SEM1: variants seen among roughly 807,000 people sequenced by gnomAD.
SEM1 encodes 26S proteasome complex subunit SEM1.
Under a neutral mutation model 12.7 loss-of-function variants are expected in SEM1, and 3 were observed. The observed-to-expected ratio is 0.24, with a 90% CI of 0.11 to 0.61. The LOEUF (loss-of-function observed/expected upper bound fraction) is 0.61. SEM1 is among the 20% of genes least tolerant of loss of function. The pLI, the probability that SEM1 is intolerant of heterozygous loss-of-function variation, is 0.88. For missense variants in SEM1, 59 were observed against 81.3 expected, an observed-to-expected ratio of 0.73 and a Z score of 1.06; for synonymous variants, 30 against 27.8, an observed-to-expected ratio of 1.08 and a Z score of -0.25.
intron 2 of SEM1, among the ~76,000 whole-genome samples, chr7:96,639,121 A>G (rs1321433631): frequency 6.6e-6 from 1 of 152,040 alleles, no homozygotes; most frequent in East Asian, 1.9e-4. Flanking sequence ...TACTCTTAAT[A>G]TACTGCAGAG....
intron 2 of SEM1, among the ~76,000 whole-genome samples, chr7:96,538,143 G>A (rs922014199): frequency 6.6e-6 from 1 of 151,604 alleles, no homozygotes; most frequent in Admixed American, 6.6e-5. Context: ...TATTTCTCTA[G>A]ATTATTTATT....
At chr7:96,593,781 GA>G (rs1294119234) in intron 2 of SEM1, among the ~76,000 whole-genome samples, 7 of 152,022 alleles carry the variant, frequency 4.6e-5, no homozygotes, top group African/African-American at 1.7e-4. Context: ...AAGAATGACT[GA>G]TATGAATAAG....
At chr7:96,523,018 A>G (rs1407310442) in intron 2 of SEM1, among the ~76,000 whole-genome samples, 1 of 152,040 alleles carries the variant, frequency 6.6e-6, no homozygotes. Flanking sequence ...TCTGCTTAAC[A>G]ATCTGTGAAG....
chr7:96,594,196 A>G (rs1806924488), intron 2 of SEM1, among the ~76,000 whole-genome samples: 1 of 152,186 alleles, frequency 6.6e-6, no homozygotes, highest in Non-Finnish European at 1.5e-5. Context: ...TGAGAAGCAG[A>G]TTTATGCATT....
intron 2 of SEM1, among the ~76,000 whole-genome samples, chr7:96,554,990 T>G (rs1298865652): frequency 6.9e-6 from 1 of 144,530 alleles, no homozygotes; most frequent in Non-Finnish European, 1.5e-5. Context: ...TGCGTAGAGG[T>G]GTTTGTAGTA....
At chr7:96,679,185 A>G (rs1367082466) in intron 2 of SEM1, among the ~76,000 whole-genome samples, 3 of 152,148 alleles carry the variant, frequency 2.0e-5, no homozygotes, top group Non-Finnish European at 4.4e-5. Context: ...AGTAAAAGAC[A>G]TAAACACACA....
intron 2 of SEM1, among the ~76,000 whole-genome samples, chr7:96,555,018 G>A (rs1049480710): frequency 2.7e-5 from 4 of 149,362 alleles, no homozygotes; most frequent in African/African-American, 9.8e-5. Flanking sequence ...ATGGTAGTTT[G>A]TATTTCTGTG....
At chr7:96,506,725 G>A (rs976344220) in intron 2 of SEM1, 5 of 151,964 alleles carry the variant, frequency 3.3e-5, no homozygotes, top group African/African-American at 1.2e-4. Context: ...GCAATGACAA[G>A]GGAATTAGGA....
intron 2 of SEM1, among the ~76,000 whole-genome samples, chr7:96,675,258 A>T (rs1432816827): frequency 2.0e-5 from 3 of 152,166 alleles, no homozygotes; most frequent in African/African-American, 7.2e-5. Flanking sequence ...AATCAAGAGG[A>T]ATAATGAATT....
chr7:96,610,309 G>A lies in SEM1; in HGVS notation c.170+84489C>T, dbSNP rs1228414602. 2.0e-5 allele frequency among the ~76,000 whole-genome samples: 3 copies of A among 152,214 alleles called. No homozygotes were observed. The East Asian group carries it at 5.8e-4, about 29-fold the overall frequency. On this transcript the variant is annotated intron_variant and NMD_transcript_variant, in intron 2 of 3. Transcript: ENST00000466986. ...AGATGGGGTTTCTCCATGTTGGTGA[G>A]GTCAGTCTCGAACTCCCGACCTCAG...
chr7:96,551,922 G>C (rs1805290859), intron 2 of SEM1, among the ~76,000 whole-genome samples: 1 of 152,134 alleles, frequency 6.6e-6, no homozygotes, highest in Admixed American at 6.5e-5. Context: ...TGGCCCCAAA[G>C]CTGTGTGATA....
chr7:96,642,559 C>A (rs1024313791), intron 2 of SEM1, among the ~76,000 whole-genome samples: 1 of 151,240 alleles, frequency 6.6e-6, no homozygotes, highest in African/African-American at 2.4e-5. Context: ...TCAAATTAGT[C>A]CTTTGCATCT....
intron 2 of SEM1, among the ~76,000 whole-genome samples, chr7:96,572,172 T>C (rs1806054827): frequency 6.6e-6 from 1 of 152,204 alleles, no homozygotes; most frequent in African/African-American, 2.4e-5. Context: ...GATTCTTCTC[T>C]CTTTTCTTCA....
intron 2 of SEM1, among the ~76,000 whole-genome samples, chr7:96,597,513 A>C (rs538058955): frequency 7.0e-4 from 107 of 152,270 alleles, no homozygotes; most frequent in African/African-American, 2.5e-3. Context: ...GATATTAGCA[A>C]GACACAAGAT....
At chr7:96,701,930 G>C (rs996879407) in intron 1 of SEM1, among the ~76,000 whole-genome samples, 1 of 152,066 alleles carries the variant, frequency 6.6e-6, no homozygotes, top group Non-Finnish European at 1.5e-5. Context: ...AGAGCAAGGA[G>C]GGCATTCCTG....
At chr7:96,577,722 A>C (rs1261695248) in intron 2 of SEM1, among the ~76,000 whole-genome samples, 2 of 152,116 alleles carry the variant, frequency 1.3e-5, no homozygotes, top group Non-Finnish European at 2.9e-5. Flanking sequence ...AATAAATCAT[A>C]TCTAAGGAAA....
At position 96,626,933 on chromosome 7, in the gene SEM1, CAG is replaced by C. The variant is rs369574308; in HGVS notation, c.171-4292_171-4291del. On this transcript the variant is annotated intron_variant, in intron 2 of 2. Transcript: ENST00000417009. ...TAGGTCCTGGGCTTTTCTTTACTGACAGAGTTTTTATTACAGCTTTGAATTCA... is the reference window on the plus strand; with the variant it reads ...TAGGTCCTGGGCTTTTCTTTACTGACAGTTTTTATTACAGCTTTGAATTCA... 4.8e-4 allele frequency among the ~76,000 whole-genome samples: 73 copies of C among 152,074 alleles called. 1 individual carries two copies. Among genetic ancestry groups the C allele is most frequent in the African/African-American group, 1.7e-3 (69 of 41,522 alleles).
chr7:96,517,832 G>A (rs553316458), intron 2 of SEM1, among the ~76,000 whole-genome samples: 1 of 152,148 alleles, frequency 6.6e-6, no homozygotes, highest in Admixed American at 6.6e-5. Flanking sequence ...CTGTTTTTCA[G>A]TCTCTAGTAT....
chr7:96,613,986 T>C (rs1807626699), intron 2 of SEM1, among the ~76,000 whole-genome samples: 1 of 152,236 alleles, frequency 6.6e-6, no homozygotes, highest in African/African-American at 2.4e-5. Context: ...TTGGCTATTG[T>C]GAATAGAGCT....
Sources: allele counts gnomAD v4.1 joint callset (sites outside exome capture counted in the v4.1 genomes callset), GRCh38; gene constraint gnomAD v4.1.1; transcripts MANE v1.5; gene names NCBI Gene and HGNC (gene_info 2026-07-23, HGNC 2026-07-21).